The following NKAIN3 variants were observed in gnomAD, a reference collection of about 807,000 sequenced individuals.
NKAIN3 encodes sodium/potassium-transporting ATPase subunit beta-1-interacting protein 3.
NKAIN3 carries 25 observed loss-of-function variants against 30.2 expected under a neutral mutation model. The observed-to-expected ratio is 0.83, with a 90% CI of 0.60 to 1.16. NKAIN3 has a LOEUF of 1.16. Ranked by LOEUF, NKAIN3 falls within the 50% of genes most tolerant of loss-of-function variation. The pLI, the probability that NKAIN3 is intolerant of heterozygous loss-of-function variation, is 0.00. For missense variants in NKAIN3, 225 were observed against 254.1 expected (o/e 0.89, Z 0.78); for synonymous variants, 91 against 89.6 (o/e 1.02, Z -0.09).
At chr8:62,847,414 T>C (rs1284323238) in intron 4 of NKAIN3, among the ~76,000 whole-genome samples, 3 of 152,186 alleles carry the variant, frequency 2.0e-5, no homozygotes, top group Non-Finnish European at 2.9e-5. Context: ...GCGGTTTTGA[T>C]TTGCATTTCT....
intron 4 of NKAIN3, among the ~76,000 whole-genome samples, chr8:62,793,984 G>A (rs767842449): frequency 6.6e-6 from 1 of 152,146 alleles, no homozygotes; most frequent in Non-Finnish European, 1.5e-5. Context: ...AACAATTGTT[G>A]ACAGTCATTT....
chr8:62,683,273 A>G (rs1397048678), intron 3 of NKAIN3, among the ~76,000 whole-genome samples: 1 of 152,086 alleles, frequency 6.6e-6, no homozygotes, highest in African/African-American at 2.4e-5. Context: ...TGACCTCGTG[A>G]TCCGCCCACC....
At chr8:62,988,508 A>G (rs1397153036), downstream of NKAIN3, among the ~76,000 whole-genome samples, 2 of 152,250 alleles carry the variant, frequency 1.3e-5, no homozygotes, top group African/African-American at 4.8e-5. Context: ...CACAAGCTCA[A>G]CACCACATGG....
intron 1 of NKAIN3, among the ~76,000 whole-genome samples, chr8:62,496,517 T>C (rs1341325483): frequency 6.6e-6 from 1 of 152,162 alleles, no homozygotes; most frequent in African/African-American, 2.4e-5. Context: ...CCATCTTCCT[T>C]ATTGATTCTG....
At chr8:62,408,222 G>A (rs939349353) in intron 1 of NKAIN3, among the ~76,000 whole-genome samples, 1 of 152,026 alleles carries the variant, frequency 6.6e-6, no homozygotes, top group African/African-American at 2.4e-5. Flanking sequence ...ACTTATCACA[G>A]TAGATTTTAA....
intron 1 of NKAIN3, among the ~76,000 whole-genome samples, chr8:62,402,561 G>A (rs1211107732): frequency 6.6e-6 from 1 of 152,188 alleles, no homozygotes; most frequent in East Asian, 1.9e-4. Flanking sequence ...GTTCTCACAA[G>A]ATCTGAGGGT....
At chr8:62,803,838 A>G (rs371205001) in intron 4 of NKAIN3, among the ~76,000 whole-genome samples, 1 of 152,222 alleles carries the variant, frequency 6.6e-6, no homozygotes, top group Admixed American at 6.5e-5. Flanking sequence ...GGTTTTTTGA[A>G]AGGATCAACA....
chr8:62,831,226 A>T (rs768197776), intron 4 of NKAIN3, among the ~76,000 whole-genome samples: 1 of 152,122 alleles, frequency 6.6e-6, no homozygotes, highest in Non-Finnish European at 1.5e-5. Context: ...AAATGAAAAA[A>T]TAAATAAATA....
intron 1 of NKAIN3, among the ~76,000 whole-genome samples, chr8:62,425,062 A>G (rs1354107122): frequency 6.6e-6 from 1 of 151,894 alleles, no homozygotes; most frequent in African/African-American, 2.4e-5. Flanking sequence ...CCATGATTCC[A>G]CTTATATGAG....
intron 5 of NKAIN3, among the ~76,000 whole-genome samples, chr8:62,932,623 G>A (rs1822655331): frequency 6.6e-6 from 1 of 152,192 alleles, no homozygotes. Context: ...AAGTTACTGG[G>A]TACATTCAGT....
At chr8:62,780,787 AT>A (rs1360258541) in intron 4 of NKAIN3, among the ~76,000 whole-genome samples, 1 of 152,132 alleles carries the variant, frequency 6.6e-6, no homozygotes, top group African/African-American at 2.4e-5. Flanking sequence ...GAAGAAACAT[AT>A]CTCAAAATAA....
intron 1 of NKAIN3, among the ~76,000 whole-genome samples, chr8:62,371,102 T>A (rs1816893803): frequency 1.3e-5 from 2 of 152,026 alleles, no homozygotes; most frequent in South Asian, 4.1e-4. Context: ...TGCCATGTCA[T>A]CTTATCCTCA....
intron 5 of NKAIN3, among the ~76,000 whole-genome samples, chr8:62,952,570 C>T (rs1823313641): frequency 6.6e-6 from 1 of 152,122 alleles, no homozygotes; most frequent in Non-Finnish European, 1.5e-5. Flanking sequence ...TGTAAATCAA[C>T]CTAAGTTTCT....
At chr8:62,516,012 C>G (rs1807973522) in intron 1 of NKAIN3, among the ~76,000 whole-genome samples, 1 of 151,882 alleles carries the variant, frequency 6.6e-6, no homozygotes, top group Non-Finnish European at 1.5e-5. Flanking sequence ...TCAACTTTGT[C>G]TAAGGTATTC....
intron 4 of NKAIN3, among the ~76,000 whole-genome samples, chr8:62,839,639 A>C (rs912952917): frequency 7.2e-5 from 11 of 152,018 alleles, no homozygotes; most frequent in Non-Finnish European, 1.6e-4. Flanking sequence ...GCTGGAGTGC[A>C]GTAGTGTGAT....
At chr8:62,941,959 G>A (rs1822967918) in intron 5 of NKAIN3, among the ~76,000 whole-genome samples, 1 of 151,910 alleles carries the variant, frequency 6.6e-6, no homozygotes, top group African/African-American at 2.4e-5. Flanking sequence ...AATTAGTAAA[G>A]AGAAAGTCAA....
At chr8:62,549,368 G>A (rs554502675) in intron 1 of NKAIN3, among the ~76,000 whole-genome samples, 2 of 151,944 alleles carry the variant, frequency 1.3e-5, no homozygotes, top group Non-Finnish European at 2.9e-5. Flanking sequence ...CACATAGTTA[G>A]GTTATTTTTG....
intron 4 of NKAIN3, among the ~76,000 whole-genome samples, chr8:62,832,146 T>C (rs776118312): frequency 6.6e-6 from 1 of 151,986 alleles, no homozygotes; most frequent in Non-Finnish European, 1.5e-5. Flanking sequence ...ATAAAATCTT[T>C]TCCATAAAAG....
chr8:62,929,431 G>A (rs763168832), intron 5 of NKAIN3, among the ~76,000 whole-genome samples: 2 of 152,102 alleles, frequency 1.3e-5, no homozygotes, highest in Non-Finnish European at 2.9e-5. Context: ...ACTCACCCAC[G>A]TGTTTATTTG....
Sources: gnomAD v4.1 joint callset for allele counts (sites outside exome capture counted in the v4.1 genomes callset) on GRCh38, gnomAD v4.1.1 for gene constraint, MANE v1.5 for transcripts, NCBI Gene and HGNC (gene_info 2026-07-23, HGNC 2026-07-21) for gene names.